VPS53: variants seen among roughly 807,000 people sequenced by gnomAD.
VPS53 encodes VPS53 subunit of GARP complex.
In VPS53, 70 loss-of-function variants were observed where a neutral mutation model predicts 107.0. The observed-to-expected ratio is 0.65, with a 90% CI of 0.54 to 0.80. The LOEUF (loss-of-function observed/expected upper bound fraction) is 0.80, where lower values mean the gene tolerates loss of function less well. Among genes scored for constraint, VPS53 ranks in the 30% least tolerant of loss-of-function variants. The pLI is 0.00. For synonymous variants in VPS53, 409 were observed against 393.3 expected (o/e 1.04, Z -0.47); for missense variants, 917 against 1,049.4 (o/e 0.87, Z 1.74).
In VPS53 at chr17:714,652, T is replaced by G; in HGVS notation, c.58A>C (p.Thr20Pro). The change falls in exon 1 of 22, where the codon ACG (threonine) becomes CCG (proline). Residue 20 changes from threonine (T) to proline (P), a missense_variant. Physicochemically the swap from Thr to Pro is conservative, Grantham distance 38. Coordinates refer to ENST00000437048, the MANE Select transcript of VPS53 (RefSeq NM_001128159.3). ...VEELEAVLQL[T>P]PEVQLAIEQV... ...TCGATGGCCAGCTGCACCTCGGGCG[T>G]GAGCTGCAGCACGGCTTCCAGCTCC... The G allele has an allele frequency of 6.2e-7, 1 of 1,612,914 alleles. No homozygotes were observed. The highest frequency in any genetic ancestry group is 8.5e-7 in the Non-Finnish European group (1 of 1,179,500).
chr17:683,120 G>A (rs904004020), intron 4 of VPS53, among the ~76,000 whole-genome samples: 4 of 152,038 alleles, frequency 2.6e-5, no homozygotes, highest in African/African-American at 9.7e-5. Context: ...GAAACACAAA[G>A]AGGAAAAAAG....
chr17:705,236 G>T (rs892076585), intron 2 of VPS53, among the ~76,000 whole-genome samples: 1 of 152,032 alleles, frequency 6.6e-6, no homozygotes, highest in Non-Finnish European at 1.5e-5. Context: ...GGGTAAAGTG[G>T]AAAGCTGCCA....
At position 573,336 on chromosome 17, in the gene VPS53, G is replaced by A. The variant is rs977091133; in HGVS notation, c.1314-10591C>T. 1.1e-4 allele frequency among the ~76,000 whole-genome samples: 16 copies of A among 152,234 alleles called. 2 individuals carry two copies. Among genetic ancestry groups the A allele is most frequent in the Admixed American group, 9.8e-4 (15 of 15,282 alleles). ...AAATTGAGAAAGCCATTTAAAGGAT[G>A]TAAGGACGGCTTAGCCCAACCTGCT... On this transcript the variant is annotated intron_variant, in intron 13 of 21. Transcript: ENST00000437048.
intron 4 of VPS53, among the ~76,000 whole-genome samples, chr17:672,175 A>ACCTCTCTCTCTCTCTC (rs1971987159): frequency 2.8e-5 from 3 of 107,068 alleles, no homozygotes; most frequent in Non-Finnish European, 3.9e-5. Context: ...CACAATCTCA[A>ACCTCTCTCTCTCTCTC]TCTCTCTCTC....
At chr17:662,486 A>G (rs143064319) in intron 4 of VPS53, among the ~76,000 whole-genome samples, 1,991 of 152,048 alleles carry the variant, frequency 0.013, 23 homozygotes, top group Non-Finnish European at 0.02. Context: ...TCAGGAGATC[A>G]AGACCATCCT....
intron 7 of VPS53, among the ~76,000 whole-genome samples, chr17:645,576 C>G (rs932284763): frequency 6.6e-6 from 1 of 152,238 alleles, no homozygotes; most frequent in Admixed American, 6.5e-5. Context: ...CAAGAAACTG[C>G]TGCCAAATAC....
chr17:646,869 T>G (rs1410430389), intron 7 of VPS53, among the ~76,000 whole-genome samples: 2 of 103,646 alleles, frequency 1.9e-5, no homozygotes, highest in Admixed American at 1.7e-4. Context: ...GGACTGGAGA[T>G]CGGCTCCCAC....
chr17:561,995 C>T (rs1913047175), intron 14 of VPS53, among the ~76,000 whole-genome samples: 1 of 152,166 alleles, frequency 6.6e-6, no homozygotes, highest in African/African-American at 2.4e-5. Flanking sequence ...GACCCCCAAT[C>T]CTACCGCATC....
chr17:665,208 T>C (rs915441896), intron 4 of VPS53, among the ~76,000 whole-genome samples: 3 of 152,224 alleles, frequency 2.0e-5, no homozygotes, highest in Admixed American at 6.5e-5. Context: ...TTCTCGTGCA[T>C]GCACACACTT....
chr17:572,217 C>T (rs1420135233), intron 13 of VPS53, among the ~76,000 whole-genome samples: 1 of 146,960 alleles, frequency 6.8e-6, no homozygotes, highest in African/African-American at 2.5e-5. Context: ...ATGTGAGGAG[C>T]GCCTCTGCCC....
intron 15 of VPS53, among the ~76,000 whole-genome samples, chr17:553,671 A>G (rs1912076003): frequency 6.6e-6 from 1 of 150,822 alleles, no homozygotes; most frequent in Non-Finnish European, 1.5e-5. Flanking sequence ...CCTGGGTTCA[A>G]GCAATTCTCC....
At chr17:637,825 C>A (rs1462082860) in intron 7 of VPS53, among the ~76,000 whole-genome samples, 1 of 152,158 alleles carries the variant, frequency 6.6e-6, no homozygotes, top group Admixed American at 6.5e-5. Context: ...CTGAGGAATG[C>A]TTTACTTCCA....
chr17:713,875 T>C (rs1597525014), intron 1 of VPS53, among the ~76,000 whole-genome samples: 1 of 122,704 alleles, frequency 8.1e-6, no homozygotes, highest in East Asian at 2.9e-4. Flanking sequence ...CCCCCGTCTT[T>C]ACCCCAAAAA....
chr17:570,911 G>C (rs577963635), intron 13 of VPS53, among the ~76,000 whole-genome samples: 1 of 152,298 alleles, frequency 6.6e-6, no homozygotes, highest in South Asian at 2.1e-4. Context: ...TTAATTTCCT[G>C]ATGTGGACAG....
At chr17:611,060 T>C (rs746994354) in intron 11 of VPS53, among the ~76,000 whole-genome samples, 9 of 152,134 alleles carry the variant, frequency 5.9e-5, no homozygotes, top group Non-Finnish European at 1.2e-4. Flanking sequence ...TCCTTTTTTT[T>C]GAGACATGAG....
chr17:574,490 C>T (rs914053282), intron 13 of VPS53, among the ~76,000 whole-genome samples: 4 of 152,078 alleles, frequency 2.6e-5, no homozygotes, highest in East Asian at 1.9e-4. Flanking sequence ...CTTGGCTGGG[C>T]GCGGTGGCTC....
At chr17:657,780 T>C (rs1404656717) in intron 5 of VPS53, among the ~76,000 whole-genome samples, 1 of 152,136 alleles carries the variant, frequency 6.6e-6, no homozygotes, top group Non-Finnish European at 1.5e-5. Context: ...TGGCCGTGAG[T>C]TTGTGGATAG....
chr17:702,617 G>A (rs979287321), intron 2 of VPS53, among the ~76,000 whole-genome samples: 6 of 152,132 alleles, frequency 3.9e-5, no homozygotes, highest in African/African-American at 1.4e-4. Flanking sequence ...GGTGAGCCGA[G>A]ATCGCGCCAC....
At chr17:593,057 G>A (rs1473123017) in intron 12 of VPS53, among the ~76,000 whole-genome samples, 1 of 152,104 alleles carries the variant, frequency 6.6e-6, no homozygotes, top group East Asian at 1.9e-4. Context: ...AAGAAATGGG[G>A]AAAGGATTCC....
Sources: allele counts gnomAD v4.1 joint callset (sites outside exome capture counted in the v4.1 genomes callset), GRCh38; gene constraint gnomAD v4.1.1; transcripts MANE v1.5; gene names NCBI Gene and HGNC (gene_info 2026-07-23, HGNC 2026-07-21).